Variants in RBM27 observed in about 807,000 individuals in gnomAD.
RBM27 encodes RNA-binding protein 27.
A neutral mutation model predicts 135.3 loss-of-function variants in RBM27; 22 were observed. That is an observed-to-expected ratio of 0.16 (90% confidence interval 0.12 to 0.23). The LOEUF is 0.23. Among genes scored for constraint, RBM27 ranks in the 10% least tolerant of loss-of-function variants. The probability of loss-of-function intolerance (pLI) is 1.00; values close to 1 mark genes in which losing one functional copy is unlikely to be tolerated. For missense variants in RBM27, 1,009 were observed against 1,281.0 expected (o/e 0.79, Z 3.24); for synonymous variants, 481 against 442.4 (o/e 1.09, Z -1.10).
chr5:146,218,145 A>ATG (rs1362078628), intron 1 of RBM27, among the ~76,000 whole-genome samples: 5 of 141,580 alleles, frequency 3.5e-5, no homozygotes, highest in East Asian at 2.1e-4. Flanking sequence ...TATTTTATAT[A>ATG]TGTGTGTGTA....
At chr5:146,271,364 C>T in intron 18 of RBM27, 119 bp from the exon 19 acceptor site, 1 of 932,276 alleles carries the variant, frequency 1.1e-6, no homozygotes, top group Non-Finnish European at 1.6e-6. Context: ...CGTGCCATTG[C>T]ACTCGAGCCT....
At position 146,261,713 on chromosome 5, in the gene RBM27, A is replaced by ACAG. The variant is rs750750154; in HGVS notation, c.2103_2105dup (p.Gln701dup). The stretch of plus-strand genomic sequence containing the variant: ...AACAGCAAACACTTAGTCACCTCTC[A>ACAG]CAGCAGCACCATCACCTGCCACAGC... On this transcript the variant is annotated inframe_insertion, in exon 13 of 21. Coordinates refer to ENST00000265271, the MANE Select transcript of RBM27 (RefSeq NM_018989.2). 4.3e-6 allele frequency: 7 copies of ACAG among 1,613,872 alleles called. No individual in the cohort carries two copies. In the South Asian group the frequency reaches 7.7e-5, roughly 18 times the overall value.
chr5:146,219,181 T>A, intron 2 of RBM27, 78 bp downstream of exon 2: 2 of 991,932 alleles, frequency 2.0e-6, no homozygotes, highest in South Asian at 3.3e-5. Context: ...CTTGGAGATA[T>A]AAGCTTGATA....
chr5:146,206,316 T>G (rs531447890), intron 1 of RBM27, among the ~76,000 whole-genome samples: 1 of 149,762 alleles, frequency 6.7e-6, no homozygotes, highest in East Asian at 1.9e-4. Context: ...TTTTTTTTTT[T>G]CCCCTTAATG....
chr5:146,267,140 G>A (rs1758649731), intron 14 of RBM27, among the ~76,000 whole-genome samples: 1 of 152,164 alleles, frequency 6.6e-6, no homozygotes, highest in Non-Finnish European at 1.5e-5. Context: ...GATGCCAAAA[G>A]GACTTATTTT....
chr5:146,266,355 A>C (rs1490259995), intron 14 of RBM27, among the ~76,000 whole-genome samples: 2 of 152,242 alleles, frequency 1.3e-5, no homozygotes, highest in Non-Finnish European at 2.9e-5. Flanking sequence ...CTATGAAGTA[A>C]AGGAGACTAT....
intron 12 of RBM27, 102 bp from the exon 13 acceptor site, chr5:146,261,408 A>G: frequency 1.0e-6 from 1 of 964,176 alleles, no homozygotes; most frequent in Non-Finnish European, 1.6e-6. Context: ...TAGGGCTTTA[A>G]CATGTGTATT....
rs750752003 is a variant in RBM27 at position 146,258,492 on chromosome 5, G to A, written c.1638G>A (p.Ser546=). Reference sequence around the variant, plus strand: ...AGACTGAACCACCAGTTCCTGTTTCGATTAATAGCAACATAACCAGAGTAG... The same window carrying A: ...AGACTGAACCACCAGTTCCTGTTTCAATTAATAGCAACATAACCAGAGTAG... The part of the protein sequence containing the change: ...VIQTEPPVPV[S]INSNITRVVL... The change falls in exon 11 of 21, where the codon TCG becomes TCA. Residue 546 remains serine, a synonymous_variant. Transcript: ENST00000265271. The A allele has an allele frequency of 6.2e-6, 10 of 1,600,932 alleles. No individual in the cohort carries two copies. The highest frequency in any genetic ancestry group is 2.3e-5 in the East Asian group (1 of 43,976).
chr5:146,265,381 G>A (rs1758570395), intron 14 of RBM27, among the ~76,000 whole-genome samples: 1 of 152,054 alleles, frequency 6.6e-6, no homozygotes, highest in Non-Finnish European at 1.5e-5. Context: ...AAAAGTAGAG[G>A]CACTGAACAC....
chr5:146,266,291 C>A (rs1384344865), intron 14 of RBM27, among the ~76,000 whole-genome samples: 1 of 152,078 alleles, frequency 6.6e-6, no homozygotes, highest in Non-Finnish European at 1.5e-5. Context: ...GGATGAGTGA[C>A]CTGGTTTCTT....
intron 8 of RBM27, among the ~76,000 whole-genome samples, chr5:146,241,364 A>G (rs2126788801): frequency 6.6e-6 from 1 of 152,364 alleles, no homozygotes; most frequent in Admixed American, 6.5e-5. Context: ...GCCAGACACT[A>G]GGGAGCCAAG....
chr5:146,268,931 A>G (rs1478195977), intron 15 of RBM27, among the ~76,000 whole-genome samples: 2 of 152,212 alleles, frequency 1.3e-5, no homozygotes, highest in East Asian at 1.9e-4. Context: ...AGTGAAAACA[A>G]CTTTGGTTTT....
intron 8 of RBM27, among the ~76,000 whole-genome samples, chr5:146,237,752 A>G (rs1287403146): frequency 1.3e-5 from 2 of 152,266 alleles, no homozygotes; most frequent in South Asian, 2.1e-4. Context: ...CAGTGGCACA[A>G]TCTCAGCTCA....
chr5:146,258,444 A>C lies in RBM27; in HGVS notation c.1595-5A>C. 1 of 1,530,552 alleles carries C rather than the reference A, an allele frequency of 6.5e-7. No individual in the cohort carries two copies. The allele number at this position is 1,530,552 out of a possible 1,614,324, so 94.8% of individuals were successfully genotyped here. A position where few individuals can be genotyped will look rare whatever the true frequency, so the allele number is the denominator to read the frequency against. On this transcript the variant is annotated splice_polypyrimidine_tract_variant and splice_region_variant and intron_variant, in intron 10 of 20. Coordinates refer to ENST00000265271, the MANE Select transcript of RBM27 (RefSeq NM_018989.2). ...CTCAGTAATTTCAATTTTTTTTTCC[A>C]ACAGCTGCTAACATTGTGATCCAGA...
chr5:146,216,291 GC>G (rs1756190798), intron 1 of RBM27, among the ~76,000 whole-genome samples: 1 of 151,908 alleles, frequency 6.6e-6, no homozygotes, highest in South Asian at 2.1e-4. Context: ...CCACACTTTG[GC>G]CTCCCACAGG....
chr5:146,283,355 C>T (rs1759446121), intron 19 of RBM27, among the ~76,000 whole-genome samples: 1 of 152,024 alleles, frequency 6.6e-6, no homozygotes, highest in Non-Finnish European at 1.5e-5. Flanking sequence ...GCCTGGGCAA[C>T]ATCGGGAGAC....
At position 146,261,942 on chromosome 5, in the gene RBM27, TG is replaced by T. The variant is rs367768707; in HGVS notation, c.2190+139del. 1.5e-3 allele frequency: 1,284 copies of T among 865,106 alleles called. 2 individuals carry two copies. Among genetic ancestry groups the T allele is most frequent in the Middle Eastern group, 0.012 (33 of 2,762 alleles). 53.6% of individuals were successfully genotyped at this position (865,106 alleles called of 1,614,324 possible). ...TGCAGACCAGTAGCATCTGATCTCC[TG>T]GGATCTTATAGAAATGCAGATTCTT... On this transcript the variant is annotated intron_variant, in intron 13 of 20. Coordinates refer to ENST00000265271, the MANE Select transcript of RBM27 (RefSeq NM_018989.2).
At chr5:146,219,206 C>T (rs2126709712) in intron 2 of RBM27, 103 bp downstream of exon 2, 1 of 769,468 alleles carries the variant, frequency 1.3e-6, no homozygotes, top group South Asian at 1.9e-5. Flanking sequence ...AGAAAGTAGT[C>T]AGAGTCCTTT....
intron 19 of RBM27, among the ~76,000 whole-genome samples, chr5:146,274,487 T>C (rs893481610): frequency 2.6e-5 from 4 of 152,182 alleles, no homozygotes; most frequent in African/African-American, 9.7e-5. Flanking sequence ...CTCAAACTCC[T>C]GGCCTCCAGT....
Sources: gnomAD v4.1 joint callset for allele counts (sites outside exome capture counted in the v4.1 genomes callset) on GRCh38, gnomAD v4.1.1 for gene constraint, MANE v1.5 for transcripts, NCBI Gene and HGNC (gene_info 2026-07-23, HGNC 2026-07-21) for gene names.